The following PIK3CA variants were observed in gnomAD, a reference collection of about 807,000 sequenced individuals.
PIK3CA encodes the protein phosphatidylinositol 4,5-bisphosphate 3-kinase catalytic subunit alpha isoform.
A neutral mutation model predicts 138.2 loss-of-function variants in PIK3CA; 27 were observed. The ratio of observed to expected loss-of-function variants is 0.20; its 90% CI spans 0.14 to 0.27. The LOEUF (loss-of-function observed/expected upper bound fraction) is 0.27. Among genes scored for constraint, PIK3CA ranks in the 10% least tolerant of loss-of-function variants. The pLI is 1.00. For synonymous variants in PIK3CA, 358 were observed against 413.2 expected (o/e 0.87, Z 1.62); for missense variants, 544 against 1,277.4 (o/e 0.43, Z 8.75).
chr3:179,176,429 T>C (rs1035682630), intron 1 of PIK3CA, among the ~76,000 whole-genome samples: 5 of 152,184 alleles, frequency 3.3e-5, no homozygotes, highest in African/African-American at 9.7e-5. Flanking sequence ...CTCCCTGTCT[T>C]TGTATATTAT....
intron 1 of PIK3CA, among the ~76,000 whole-genome samples, chr3:179,163,036 G>A (rs1723324033): frequency 6.6e-6 from 1 of 152,018 alleles, no homozygotes; most frequent in Non-Finnish European, 1.5e-5. Context: ...TTGAATACTG[G>A]CATACACATT....
intron 20 of PIK3CA, among the ~76,000 whole-genome samples, chr3:179,232,712 A>G (rs1351019076): frequency 2.0e-5 from 3 of 151,930 alleles, no homozygotes; most frequent in Middle Eastern, 6.3e-3. Context: ...GTACATTCCT[A>G]GGTATTTTTT....
intron 1 of PIK3CA, among the ~76,000 whole-genome samples, chr3:179,174,937 CAT>C (rs1723659000): frequency 6.6e-6 from 1 of 152,222 alleles, no homozygotes; most frequent in Non-Finnish European, 1.5e-5. Context: ...ATAACTCTCA[CAT>C]GTGATAATTA....
chr3:179,203,409 T>C, intron 4 of PIK3CA, 135 bp from the exon 5 acceptor site: 1 of 661,660 alleles, frequency 1.5e-6, no homozygotes, highest in South Asian at 2.7e-5. Flanking sequence ...TTATAGGAAC[T>C]ACTAGTAAAT....
chr3:179,182,619 C>T (rs1440044678), intron 1 of PIK3CA, among the ~76,000 whole-genome samples: 3 of 151,934 alleles, frequency 2.0e-5, no homozygotes, highest in South Asian at 2.1e-4. Flanking sequence ...TGTAGTGAGC[C>T]GTGTTCGTAG....
chr3:179,148,780 C>T (rs957226537), intron 1 of PIK3CA, among the ~76,000 whole-genome samples, 177 bp downstream of exon 1: 11 of 152,186 alleles, frequency 7.2e-5, no homozygotes, highest in Admixed American at 4.6e-4. Flanking sequence ...TCGCCTGCCT[C>T]TGGCCTCTCC....
chr3:179,167,544 C>G (rs137953002), intron 1 of PIK3CA, among the ~76,000 whole-genome samples: 2 of 152,140 alleles, frequency 1.3e-5, no homozygotes, highest in East Asian at 3.9e-4. Context: ...TTTAAATTGT[C>G]AAGTATTGAT....
Position 179,204,550 on chromosome 3 carries a change from C to T in PIK3CA, c.1107C>T (p.Asp369=). The change falls in exon 6 of 21, where the codon GAC becomes GAT. Residue 369 remains aspartate (D), a synonymous_variant. Transcript: ENST00000263967. ...ACCATGGAGGAGAACCCTTATGTGA[C>T]AATGTGAACACTCAAAGAGTACCTT... The part of the protein sequence containing the change: ...GIYHGGEPLC[D]NVNTQRVPCS... 6.3e-7 allele frequency: 1 copy of T among 1,589,052 alleles called. No individual in the cohort carries two copies. Among genetic ancestry groups the T allele is most frequent in the African/African-American group, 1.3e-5 (1 of 74,516 alleles).
At chr3:179,170,295 A>T (rs1019169467) in intron 1 of PIK3CA, among the ~76,000 whole-genome samples, 2 of 152,216 alleles carry the variant, frequency 1.3e-5, no homozygotes, top group African/African-American at 4.8e-5. Flanking sequence ...AGGAGAAGAC[A>T]TATTCGCAAA....
rs1282232507 is a variant in PIK3CA at position 179,230,296 on chromosome 3, G to A, written c.2856G>A (p.Val952=). ...KKKFGYKRER[V]PFVLTQDFLI... ...AATTTGGTTATAAACGAGAACGTGT[G>A]CCATTTGTTTTGACACAGGATTTCT... The change falls in exon 20 of 21, where the codon GTG becomes GTA. Residue 952 remains valine (V), a synonymous_variant. Coordinates refer to ENST00000263967, the MANE Select transcript of PIK3CA (RefSeq NM_006218.4). The surrounding 1 kb of genome is among the most constrained non-coding windows in gnomAD (Gnocchi z 5.4). 1.2e-6 allele frequency: 2 copies of A among 1,611,870 alleles called. No individual in the cohort carries two copies. Among genetic ancestry groups the A allele is most frequent in the Non-Finnish European group, 8.5e-7 (1 of 1,178,414 alleles).
intron 1 of PIK3CA, among the ~76,000 whole-genome samples, chr3:179,188,550 A>G (rs1724050012): frequency 6.6e-6 from 1 of 152,176 alleles, no homozygotes; most frequent in African/African-American, 2.4e-5. Flanking sequence ...TGAAAATGCA[A>G]ACAGAGTTTT....
intron 9 of PIK3CA, among the ~76,000 whole-genome samples, chr3:179,212,617 A>C (rs937974598): frequency 1.3e-4 from 19 of 151,682 alleles, no homozygotes; most frequent in African/African-American, 4.6e-4. Flanking sequence ...AAAACAAAAA[A>C]CAAGAGAGAG....
chr3:179,149,694 G>C (rs1317776282), intron 1 of PIK3CA: 2 of 152,198 alleles, frequency 1.3e-5, no homozygotes, highest in African/African-American at 2.4e-5. Context: ...GTGTGGCCGG[G>C]GAGAACCCCT....
At chr3:179,226,320 T>C (rs1725081641) in intron 17 of PIK3CA, among the ~76,000 whole-genome samples, 1 of 152,136 alleles carries the variant, frequency 6.6e-6, no homozygotes. Context: ...AAAAGACCCC[T>C]GTTTTCATTC....
chr3:179,160,263 A>G (rs1480463105), intron 1 of PIK3CA, among the ~76,000 whole-genome samples: 1 of 152,224 alleles, frequency 6.6e-6, no homozygotes, highest in Admixed American at 6.5e-5. Flanking sequence ...GAACATTGTT[A>G]TGTAGCACAT....
At chr3:179,223,550 T>C (rs1725015354) in intron 14 of PIK3CA, among the ~76,000 whole-genome samples, 1 of 152,204 alleles carries the variant, frequency 6.6e-6, no homozygotes, top group African/African-American at 2.4e-5. Flanking sequence ...GAATGCTGTG[T>C]TTTCTTAAAA....
chr3:179,218,922 T>G (rs1467911156), intron 10 of PIK3CA, among the ~76,000 whole-genome samples: 1 of 152,058 alleles, frequency 6.6e-6, no homozygotes, highest in Non-Finnish European at 1.5e-5. Context: ...ATAACATATA[T>G]TCATAATTTT....
In PIK3CA at chr3:179,219,428, TAAAAC is replaced by T. The variant is rs1168088709; in HGVS notation, c.1747-142_1747-138del. On this transcript the variant is annotated intron_variant, in intron 11 of 20. Transcript: ENST00000263967. The surrounding 1 kb of genome is among the most constrained non-coding windows in gnomAD (Gnocchi z 4.2). ...ACACCCTTAACATTATTTCCATAGATAAAACTAATTAGAACTGTAAATTCTAAGGA... is the reference window on the plus strand; with the variant it reads ...ACACCCTTAACATTATTTCCATAGATTAATTAGAACTGTAAATTCTAAGGA... 2 of 684,454 alleles carry T rather than the reference TAAAAC, an allele frequency of 2.9e-6. No individual in the cohort carries two copies. Among genetic ancestry groups the T allele is most frequent in the African/African-American group, 3.6e-5 (2 of 55,142 alleles). 42.4% of individuals were successfully genotyped at this position (684,454 alleles called of 1,614,324 possible).
Position 179,201,487 on chromosome 3 carries a change from G to A in PIK3CA, c.760G>A (p.Val254Met), listed in dbSNP as rs2108390009. 1 of 1,610,700 alleles carries A rather than the reference G, an allele frequency of 6.2e-7. No homozygotes were observed. The highest frequency in any genetic ancestry group is 8.5e-7 in the Non-Finnish European group (1 of 1,177,008). The change falls in exon 4 of 21, where the codon GTG becomes ATG. Residue 254 changes from valine to methionine, a missense_variant. Transcript: ENST00000263967. ...ATATCAGGGCAAGTATATTTTAAAAGTGTGTGGATGTGATGAATACTTCCT... is the reference window on the plus strand; with the variant it reads ...ATATCAGGGCAAGTATATTTTAAAAATGTGTGGATGTGATGAATACTTCCT... ...LEYQGKYILK[V>M]CGCDEYFLEK...
Sources: gnomAD v4.1 joint callset for allele counts (sites outside exome capture counted in the v4.1 genomes callset) on GRCh38, gnomAD v4.1.1 for gene constraint, Gnocchi (gnomAD v3.1) non-coding constraint, MANE v1.5 for transcripts, NCBI Gene and HGNC (gene_info 2026-07-23, HGNC 2026-07-21) for gene names.